Variants in DNER observed in about 807,000 individuals in gnomAD.
DNER encodes delta and Notch-like epidermal growth factor-related receptor.
DNER carries 33 observed loss-of-function variants against 78.2 expected under a neutral mutation model. The observed-to-expected ratio is 0.42, with a 90% CI of 0.32 to 0.56. The LOEUF (loss-of-function observed/expected upper bound fraction) is 0.56. Among genes scored for constraint, DNER ranks in the 20% least tolerant of loss-of-function variants. DNER has a pLI of 0.11. For synonymous variants in DNER, 417 were observed against 384.8 expected, an observed-to-expected ratio of 1.08 and a Z score of -0.98; for missense variants, 918 against 975.3, an observed-to-expected ratio of 0.94 and a Z score of 0.78.
At chr2:229,594,586 CA>C (rs67869133) in intron 1 of DNER, among the ~76,000 whole-genome samples, 126,393 of 148,370 alleles carry the variant, frequency 0.85, 54,139 homozygotes, top group East Asian at 0.95. Flanking sequence ...GACTCCATCT[CA>C]AAAAAAAAAA....
intron 6 of DNER, among the ~76,000 whole-genome samples, chr2:229,486,962 A>G (rs367754253): frequency 2.6e-5 from 4 of 152,338 alleles, no homozygotes; most frequent in Admixed American, 1.3e-4. Flanking sequence ...GGTACATGCT[A>G]GAGTTTGAAA....
intron 1 of DNER, among the ~76,000 whole-genome samples, chr2:229,659,233 C>A (rs745335206): frequency 5.3e-5 from 8 of 152,122 alleles, no homozygotes; most frequent in Non-Finnish European, 1.0e-4. Flanking sequence ...GGAAATGGGG[C>A]TACACAGAGG....
intron 7 of DNER, among the ~76,000 whole-genome samples, chr2:229,455,873 T>C (rs1012380706): frequency 6.6e-6 from 1 of 151,912 alleles, no homozygotes; most frequent in Non-Finnish European, 1.5e-5. Context: ...GATGAGAAAA[T>C]AGGGATAGAA....
intron 1 of DNER, among the ~76,000 whole-genome samples, chr2:229,625,255 C>T (rs1293447311): frequency 6.6e-6 from 1 of 152,124 alleles, no homozygotes; most frequent in African/African-American, 2.4e-5. Flanking sequence ...CATGGAAAAT[C>T]ACCGGGGGCT....
intron 4 of DNER, among the ~76,000 whole-genome samples, chr2:229,561,474 G>C (rs535120072): frequency 6.6e-6 from 1 of 151,952 alleles, no homozygotes; most frequent in East Asian, 1.9e-4. Context: ...AACATCTCAG[G>C]TACACTCTCT....
intron 10 of DNER, among the ~76,000 whole-genome samples, chr2:229,404,183 G>A (rs1327767979): frequency 3.9e-5 from 6 of 152,024 alleles, no homozygotes; most frequent in African/African-American, 1.4e-4. Flanking sequence ...TTGGATGGAG[G>A]TAAGAGGGAA....
In DNER at chr2:229,554,934, A is replaced by T. The variant is rs1295180388; in HGVS notation, c.848-7842T>A. ...AGAGAAGAGAAGAGAAGAGAAGAGA[A>T]GAGAGAAAAGGGAAGGGAAGGGAAG... On this transcript the variant is annotated intron_variant, in intron 4 of 12. Coordinates refer to ENST00000341772, the MANE Select transcript of DNER (RefSeq NM_139072.4). 6.2e-5 allele frequency among the ~76,000 whole-genome samples: 2 copies of T among 32,034 alleles called. 1 individual carries two copies. The highest frequency in any genetic ancestry group is 2.2e-4 in the African/African-American group (2 of 9,000). 21.0% of individuals were successfully genotyped at this position (32,034 alleles called of 152,430 possible).
intron 9 of DNER, among the ~76,000 whole-genome samples, chr2:229,410,711 C>T (rs763501126): frequency 8.5e-5 from 13 of 152,126 alleles, no homozygotes; most frequent in Non-Finnish European, 1.6e-4. Flanking sequence ...ATTCCAACAG[C>T]ATTCTTTACA....
intron 1 of DNER, among the ~76,000 whole-genome samples, chr2:229,707,240 G>A (rs1574578099): frequency 7.9e-6 from 1 of 126,246 alleles, no homozygotes; most frequent in Non-Finnish European, 1.6e-5. Flanking sequence ...TCACCATGTT[G>A]GCCAGGCTGG....
chr2:229,611,021 A>G (rs1574927024), intron 1 of DNER, among the ~76,000 whole-genome samples: 1 of 152,340 alleles, frequency 6.6e-6, no homozygotes, highest in East Asian at 1.9e-4. Context: ...TGATGATACC[A>G]TATCTTACCA....
intron 1 of DNER, among the ~76,000 whole-genome samples, chr2:229,603,969 A>T (rs1697883362): frequency 6.6e-6 from 1 of 152,202 alleles, no homozygotes; most frequent in South Asian, 2.1e-4. Context: ...AATGGCACAC[A>T]GATTCCAGAG....
At chr2:229,617,868 C>T (rs1574930395) in intron 1 of DNER, among the ~76,000 whole-genome samples, 1 of 152,296 alleles carries the variant, frequency 6.6e-6, no homozygotes, top group African/African-American at 2.4e-5. Context: ...GGGAGGATCG[C>T]TTGAGCCCAG....
At position 229,447,655 on chromosome 2, in the gene DNER, A is replaced by G; in HGVS notation, c.1262-115T>C. The G allele has an allele frequency of 2.6e-6, 3 of 1,168,274 alleles. No individual in the cohort carries two copies. The East Asian group carries it at 7.7e-5, about 30-fold the overall frequency. 72.4% of individuals were successfully genotyped at this position (1,168,274 alleles called of 1,614,324 possible). On this transcript the variant is annotated intron_variant, in intron 7 of 12. Coordinates refer to ENST00000341772, the MANE Select transcript of DNER (RefSeq NM_139072.4). The stretch of plus-strand genomic sequence containing the variant: ...AACAATTAATTCATTCACAGCTTCC[A>G]GATATGTCACAACCCAACAAGATAG...
chr2:229,390,558 G>C (rs1418465886), intron 10 of DNER, among the ~76,000 whole-genome samples: 1 of 152,228 alleles, frequency 6.6e-6, no homozygotes, highest in East Asian at 1.9e-4. Flanking sequence ...CACTAGATTG[G>C]ACGGATTTGG....
chr2:229,647,902 ATC>A (rs1287777541), intron 1 of DNER, among the ~76,000 whole-genome samples: 2 of 152,244 alleles, frequency 1.3e-5, no homozygotes, highest in African/African-American at 4.8e-5. Context: ...AAAGATAATC[ATC>A]TGTGATTCGG....
chr2:229,638,888 C>G (rs1306616136), intron 1 of DNER, among the ~76,000 whole-genome samples: 1 of 152,170 alleles, frequency 6.6e-6, no homozygotes, highest in Non-Finnish European at 1.5e-5. Flanking sequence ...AATTAGGTTC[C>G]TAATCCAAAA....
chr2:229,566,076 G>C (rs1290082381), intron 4 of DNER, among the ~76,000 whole-genome samples: 2 of 152,148 alleles, frequency 1.3e-5, no homozygotes. Flanking sequence ...TCTCTGTGTT[G>C]ATGTGAGGGG....
chr2:229,426,170 G>A (rs1024328664), intron 8 of DNER, among the ~76,000 whole-genome samples: 10 of 152,000 alleles, frequency 6.6e-5, no homozygotes, highest in South Asian at 6.2e-4. Flanking sequence ...GGCCGGGCGC[G>A]GTGGTTCACA....
chr2:229,433,059 C>T (rs2106355997), intron 8 of DNER, among the ~76,000 whole-genome samples: 1 of 152,268 alleles, frequency 6.6e-6, no homozygotes, highest in Middle Eastern at 3.4e-3. Context: ...CCTGCCTTAG[C>T]CTCCTGAGTA....
Sources: gnomAD v4.1 joint callset for allele counts (sites outside exome capture counted in the v4.1 genomes callset) on GRCh38, gnomAD v4.1.1 for gene constraint, MANE v1.5 for transcripts, NCBI Gene and HGNC (gene_info 2026-07-23, HGNC 2026-07-21) for gene names.